RUNX1: variants seen among roughly 807,000 people sequenced by gnomAD.
RUNX1 encodes RUNX family transcription factor 1, also known as runt-related transcription factor 1.
A neutral mutation model predicts 42.8 loss-of-function variants in RUNX1; 19 were observed. That is an observed-to-expected ratio of 0.44 (90% CI 0.31 to 0.65). The LOEUF (loss-of-function observed/expected upper bound fraction) is 0.65. Ranked by LOEUF, RUNX1 falls within the 30% of genes least tolerant of loss-of-function variation. RUNX1 has a pLI of 0.07. For missense variants in RUNX1, 528 were observed against 672.0 expected (o/e 0.79, Z 2.37); for synonymous variants, 271 against 289.4 (o/e 0.94, Z 0.64).
At chr21:34,952,558 G>A (rs894059496) in intron 2 of RUNX1, among the ~76,000 whole-genome samples, 1 of 151,946 alleles carries the variant, frequency 6.6e-6, no homozygotes, top group African/African-American at 2.4e-5. Flanking sequence ...TTGAAGGAGT[G>A]AATTTATATT....
intron 3 of RUNX1, among the ~76,000 whole-genome samples, chr21:34,890,766 C>T (rs1410063060): frequency 7.2e-6 from 1 of 138,186 alleles, no homozygotes; most frequent in Non-Finnish European, 1.6e-5. Flanking sequence ...CTAACTCTGT[C>T]CCTGAGAAGA....
chr21:34,791,576 A>G lies in RUNX1; in HGVS notation c.*559T>C, dbSNP rs73362827. 0.031 allele frequency: 7,155 copies of G among 229,568 alleles called. 492 individuals are homozygous for G. Among genetic ancestry groups the G allele is most frequent in the African/African-American group, 0.15 (6,588 of 45,214 alleles). The allele number at this position is 229,568 out of a possible 1,614,324, so 14.2% of individuals were successfully genotyped here. ...AAGCTCAATTTATATATATTTATATAAACGTATATAAAAATAAAAACCACC... is the reference window on the plus strand; with the variant it reads ...AAGCTCAATTTATATATATTTATATGAACGTATATAAAAATAAAAACCACC... On this transcript the variant is annotated 3_prime_UTR_variant, in exon 9 of 9. Transcript: ENST00000675419.
At chr21:34,863,182 C>T (rs1416930987) in intron 5 of RUNX1, among the ~76,000 whole-genome samples, 1 of 152,186 alleles carries the variant, frequency 6.6e-6, no homozygotes, top group East Asian at 1.9e-4. Flanking sequence ...TACAGCAAAA[C>T]TCATATCCCT....
intron 5 of RUNX1, among the ~76,000 whole-genome samples, chr21:34,875,476 T>C (rs767923425): frequency 6.6e-6 from 1 of 152,182 alleles, no homozygotes; most frequent in African/African-American, 2.4e-5. Flanking sequence ...TATATTATTT[T>C]AAAGTGTAGA....
At chr21:34,941,976 A>C (rs1176376768) in intron 2 of RUNX1, among the ~76,000 whole-genome samples, 1 of 152,164 alleles carries the variant, frequency 6.6e-6, no homozygotes. Context: ...ACTATGCAAA[A>C]TATCATCTGA....
chr21:34,830,706 G>C (rs1362006560), intron 7 of RUNX1, among the ~76,000 whole-genome samples: 1 of 152,148 alleles, frequency 6.6e-6, no homozygotes, highest in Non-Finnish European at 1.5e-5. Context: ...TTTAACCTCT[G>C]AATTTCGATT....
In RUNX1 at chr21:35,027,183, A is replaced by G. The variant is rs2059243685; in HGVS notation, c.58+21659T>C. Among the ~76,000 whole-genome samples the G allele has an allele frequency of 2.0e-5, 3 of 152,228 alleles. 1 individual carries two copies. The highest frequency in any genetic ancestry group is 4.1e-4 in the South Asian group (2 of 4,836). On this transcript the variant is annotated intron_variant, in intron 2 of 8. Coordinates refer to ENST00000675419, the MANE Select transcript of RUNX1 (RefSeq NM_001754.5). ...GGTGAAGCCCGCACCCTACCCCCAC[A>G]TGAAACTGATTCCACTACCCCATCT...
At chr21:34,909,345 G>A (rs576843843) in intron 2 of RUNX1, among the ~76,000 whole-genome samples, 1 of 152,138 alleles carries the variant, frequency 6.6e-6, no homozygotes, top group Non-Finnish European at 1.5e-5. Flanking sequence ...TCTTTTAAAT[G>A]TGGAAAACAG....
At chr21:34,794,833 A>G (rs1479118264) in intron 8 of RUNX1, among the ~76,000 whole-genome samples, 4 of 152,186 alleles carry the variant, frequency 2.6e-5, no homozygotes, top group African/African-American at 9.7e-5. Context: ...GTGTGGCAGC[A>G]TCTCTGCTTT....
chr21:34,837,101 T>C (rs1362903664), intron 6 of RUNX1, among the ~76,000 whole-genome samples: 3 of 152,250 alleles, frequency 2.0e-5, no homozygotes, highest in Admixed American at 6.5e-5. Context: ...CCTGCCAAAA[T>C]TGTAGTCATT....
chr21:34,859,789 A>C (rs2057545763), intron 5 of RUNX1, among the ~76,000 whole-genome samples: 1 of 152,220 alleles, frequency 6.6e-6, no homozygotes, highest in Admixed American at 6.5e-5. Context: ...ATATGGCTTT[A>C]ATGTAATCAT....
rs1372634943 is a variant in RUNX1, at chr21:34,901,002, A to G, written c.59-8039T>C. The stretch of plus-strand genomic sequence containing the variant: ...CCATCAATGTTTCAGTTTGCTGGCA[A>G]TCTACCAGTTAAAACACAGTAATAG... On this transcript the variant is annotated intron_variant, in intron 2 of 8. Coordinates refer to ENST00000675419, the MANE Select transcript of RUNX1 (RefSeq NM_001754.5). This position sits in a 1 kb window ranked among gnomAD's most constrained non-coding sequence, Gnocchi z 4.3. Among the ~76,000 whole-genome samples, 2 of 152,234 alleles carry G rather than the reference A, an allele frequency of 1.3e-5. No individual in the cohort carries two copies. The highest frequency in any genetic ancestry group is 2.4e-5 in the African/African-American group (1 of 41,458).
intron 2 of RUNX1, among the ~76,000 whole-genome samples, chr21:34,925,609 G>C (rs1046753616): frequency 1.3e-5 from 2 of 152,172 alleles, no homozygotes; most frequent in Non-Finnish European, 2.9e-5. Flanking sequence ...CTGTTTCAGA[G>C]GAAGCCCGGC....
At chr21:35,010,575 C>T (rs538751985) in intron 2 of RUNX1, among the ~76,000 whole-genome samples, 4 of 151,894 alleles carry the variant, frequency 2.6e-5, no homozygotes, top group Non-Finnish European at 5.9e-5. Context: ...AATGAATCAA[C>T]AGGTAAACAT....
intron 2 of RUNX1, among the ~76,000 whole-genome samples, chr21:34,981,969 CA>C (rs2058849633): frequency 6.6e-6 from 1 of 152,198 alleles, no homozygotes; most frequent in Admixed American, 6.5e-5. Flanking sequence ...GGGTGAGTCT[CA>C]GAACAGCTGC....
chr21:34,951,241 A>G (rs1406825936), intron 2 of RUNX1, among the ~76,000 whole-genome samples: 1 of 152,240 alleles, frequency 6.6e-6, no homozygotes, highest in Non-Finnish European at 1.5e-5. Flanking sequence ...CAATCCCACC[A>G]AAGTGGCCCC....
chr21:34,883,741 T>C (rs1262767210), intron 4 of RUNX1, among the ~76,000 whole-genome samples: 1 of 152,234 alleles, frequency 6.6e-6, no homozygotes, highest in Non-Finnish European at 1.5e-5. Flanking sequence ...CTCCCAATAC[T>C]GTTCTTGGCT....
intron 2 of RUNX1, among the ~76,000 whole-genome samples, chr21:34,924,025 A>G (rs2058373986): frequency 6.6e-6 from 1 of 152,034 alleles, no homozygotes; most frequent in Non-Finnish European, 1.5e-5. Context: ...TTGTATTGAC[A>G]TTTTTGTGTT....
intron 2 of RUNX1, among the ~76,000 whole-genome samples, chr21:34,989,613 ATTCT>A (rs1330645083): frequency 1.3e-5 from 2 of 152,080 alleles, no homozygotes; most frequent in Non-Finnish European, 2.9e-5. Flanking sequence ...TCTGAGGATG[ATTCT>A]TTCTCTTTTG....
Sources: gnomAD v4.1 joint callset for allele counts (sites outside exome capture counted in the v4.1 genomes callset) on GRCh38, gnomAD v4.1.1 for gene constraint, Gnocchi (gnomAD v3.1) non-coding constraint, MANE v1.5 for transcripts, NCBI Gene and HGNC (gene_info 2026-07-23, HGNC 2026-07-21) for gene names.